The following MARCHF1 variants were observed in gnomAD, a reference collection of about 807,000 sequenced individuals.
MARCHF1 encodes the protein membrane associated ring-CH-type finger 1.
Under a neutral mutation model 54.2 loss-of-function variants are expected in MARCHF1, and 40 were observed. The observed-to-expected ratio is 0.74, with a 90% CI of 0.57 to 0.96. The LOEUF (loss-of-function observed/expected upper bound fraction) is 0.96, where lower values mean the gene tolerates loss of function less well. Ranked by LOEUF, MARCHF1 falls within the 40% of genes least tolerant of loss-of-function variation. MARCHF1 has a pLI of 0.00. For synonymous variants in MARCHF1, 236 were observed against 236.3 expected (o/e 1.00, Z 0.01); for missense variants, 586 against 656.5 (o/e 0.89, Z 1.17).
intron 2 of MARCHF1, among the ~76,000 whole-genome samples, chr4:164,015,227 G>A (rs986855813): frequency 6.6e-6 from 1 of 152,112 alleles, no homozygotes; most frequent in Non-Finnish European, 1.5e-5. Flanking sequence ...CCAATAAATA[G>A]TGCTAGAAAA....
chr4:164,237,429 A>T (rs543446713), intron 1 of MARCHF1, among the ~76,000 whole-genome samples: 16 of 152,120 alleles, frequency 1.1e-4, no homozygotes, highest in African/African-American at 3.9e-4. Flanking sequence ...CTGCTAACAC[A>T]ATCCTTTCTC....
At chr4:163,664,075 T>C (rs187788670) in intron 5 of MARCHF1, among the ~76,000 whole-genome samples, 76 of 152,208 alleles carry the variant, frequency 5.0e-4, no homozygotes, top group Non-Finnish European at 9.6e-4. Context: ...CTATTTTTCA[T>C]AGGCAATGGA....
intron 4 of MARCHF1, among the ~76,000 whole-genome samples, chr4:163,843,509 C>A (rs1371233457): frequency 2.0e-5 from 3 of 152,032 alleles, no homozygotes; most frequent in African/African-American, 7.2e-5. Context: ...CTTTTCTCTG[C>A]AACCTTGCCA....
chr4:163,825,609 C>G (rs1748828198), intron 4 of MARCHF1, among the ~76,000 whole-genome samples: 1 of 151,854 alleles, frequency 6.6e-6, no homozygotes, highest in Admixed American at 6.6e-5. Flanking sequence ...GCATCTGCTA[C>G]TTTTTTACCT....
At chr4:164,001,728 G>C (rs1753189843) in intron 2 of MARCHF1, among the ~76,000 whole-genome samples, 1 of 151,770 alleles carries the variant, frequency 6.6e-6, no homozygotes, top group African/African-American at 2.4e-5. Flanking sequence ...GATGAAGGTG[G>C]AGAGTAATAG....
intron 8 of MARCHF1, among the ~76,000 whole-genome samples, chr4:163,557,268 T>A (rs543344856): frequency 1.3e-5 from 2 of 152,342 alleles, no homozygotes; most frequent in Admixed American, 1.3e-4. Context: ...TGGGAGAAAG[T>A]GTAAAATGCT....
At chr4:163,688,120 G>A (rs1182184100) in intron 5 of MARCHF1, among the ~76,000 whole-genome samples, 3 of 151,518 alleles carry the variant, frequency 2.0e-5, no homozygotes, top group Non-Finnish European at 2.9e-5. Context: ...AAAAATAGGG[G>A]GTGATAAACC....
intron 8 of MARCHF1, among the ~76,000 whole-genome samples, chr4:163,561,170 C>A (rs915134537): frequency 7.2e-5 from 11 of 152,100 alleles, no homozygotes; most frequent in African/African-American, 2.4e-4. Flanking sequence ...TTGATGGCTA[C>A]ATACATGATA....
At chr4:164,021,677 A>T (rs1037036456) in intron 2 of MARCHF1, among the ~76,000 whole-genome samples, 1 of 152,086 alleles carries the variant, frequency 6.6e-6, no homozygotes, top group Non-Finnish European at 1.5e-5. Flanking sequence ...CAACATGGTG[A>T]AACCCTGTCT....
intron 1 of MARCHF1, among the ~76,000 whole-genome samples, chr4:164,157,918 C>T (rs1730119865): frequency 6.6e-6 from 1 of 152,148 alleles, no homozygotes; most frequent in Admixed American, 6.5e-5. Flanking sequence ...GAAAAAACAA[C>T]TGCAACAACA....
At chr4:163,606,576 A>C (rs1164535597) in intron 7 of MARCHF1, among the ~76,000 whole-genome samples, 2 of 152,082 alleles carry the variant, frequency 1.3e-5, no homozygotes, top group Admixed American at 1.3e-4. Flanking sequence ...AATGAAGTGC[A>C]TATTGAAGCA....
rs80019659 is a variant in MARCHF1, at chr4:163,799,487, A to G, written c.111+54534T>C. ...AATAAATTTAATTTTTTGCTAAATCAGGCAAGTGTGAACTAGCATGTAAAA... is the reference window on the plus strand; with the variant it reads ...AATAAATTTAATTTTTTGCTAAATCGGGCAAGTGTGAACTAGCATGTAAAA... On this transcript the variant is annotated intron_variant, in intron 4 of 9. Coordinates refer to ENST00000514618, the MANE Select transcript of MARCHF1 (RefSeq NM_001394959.1). 6.7e-3 allele frequency among the ~76,000 whole-genome samples: 1,021 copies of G among 152,296 alleles called. 7 individuals carry two copies. Among genetic ancestry groups the G allele is most frequent in the South Asian group, 0.03 (145 of 4,832 alleles).
intron 5 of MARCHF1, among the ~76,000 whole-genome samples, chr4:163,652,323 A>T (rs1055539977): frequency 6.6e-6 from 1 of 151,862 alleles, no homozygotes; most frequent in Non-Finnish European, 1.5e-5. Context: ...AACACTTTGC[A>T]GTGGCTGGCA....
rs1202707531 is a variant in MARCHF1 at position 164,356,762 on chromosome 4, A to AT, written c.-323+27107dup. Among the ~76,000 whole-genome samples, 189 of 139,356 alleles carry AT rather than the reference A, an allele frequency of 1.4e-3. 1 individual carries two copies. Among genetic ancestry groups the AT allele is most frequent in the African/African-American group, 4.8e-3 (183 of 38,124 alleles). 91.4% of individuals were successfully genotyped at this position (139,356 alleles called of 152,430 possible). ...CATGTACCCTAAAACTTAAAGTATA[A>AT]TAAAAAAAAAAGAAAAGCAAAAAAA... On this transcript the variant is annotated intron_variant, in intron 1 of 9. Coordinates refer to ENST00000514618, the MANE Select transcript of MARCHF1 (RefSeq NM_001394959.1).
chr4:163,611,190 A>G (rs1468034964), intron 7 of MARCHF1, among the ~76,000 whole-genome samples: 1 of 152,084 alleles, frequency 6.6e-6, no homozygotes, highest in African/African-American at 2.4e-5. Context: ...TATTATTTTC[A>G]ATGTCTAGAA....
intron 5 of MARCHF1, among the ~76,000 whole-genome samples, chr4:163,615,862 T>C (rs1741491923): frequency 6.6e-6 from 1 of 152,112 alleles, no homozygotes; most frequent in African/African-American, 2.4e-5. Context: ...GAGCATGGCA[T>C]TGTTATAAAA....
chr4:163,823,872 A>G (rs1057464497), intron 4 of MARCHF1, among the ~76,000 whole-genome samples: 2 of 54,330 alleles, frequency 3.7e-5, no homozygotes, highest in Non-Finnish European at 6.2e-5. Flanking sequence ...TCGATGTAAA[A>G]TTAAGTTATG....
intron 5 of MARCHF1, among the ~76,000 whole-genome samples, chr4:163,622,446 A>G (rs886753811): frequency 6.6e-6 from 1 of 152,138 alleles, no homozygotes; most frequent in African/African-American, 2.4e-5. Flanking sequence ...TCTTTTGAAA[A>G]AAAAAAATCA....
intron 4 of MARCHF1, among the ~76,000 whole-genome samples, chr4:163,844,703 G>C (rs759392170): frequency 9.2e-5 from 14 of 152,154 alleles, no homozygotes; most frequent in Non-Finnish European, 1.8e-4. Context: ...CATTTTCTCT[G>C]TGATTCATTT....
Sources: gnomAD v4.1 joint callset for allele counts (sites outside exome capture counted in the v4.1 genomes callset) on GRCh38, gnomAD v4.1.1 for gene constraint, MANE v1.5 for transcripts, NCBI Gene and HGNC (gene_info 2026-07-23, HGNC 2026-07-21) for gene names.